ALMS1: variants seen among roughly 807,000 people sequenced by gnomAD.
The protein encoded by ALMS1 is ALMS1 centrosome and basal body associated protein.
A neutral mutation model predicts 352.2 loss-of-function variants in ALMS1; 271 were observed. That is an observed-to-expected ratio of 0.77 (90% CI 0.70 to 0.85). ALMS1 has a LOEUF of 0.85. ALMS1 is among the 40% of genes least tolerant of loss of function. ALMS1 has a pLI of 0.00. For missense variants in ALMS1, 5,445 were observed against 4,870.7 expected (o/e 1.12, Z -3.51); for synonymous variants, 1,865 against 1,761.2 (o/e 1.06, Z -1.48).
At position 73,572,793 on chromosome 2, in the gene ALMS1, C is replaced by T; in HGVS notation, c.10916C>T (p.Pro3639Leu). 6.2e-7 allele frequency: 1 copy of T among 1,614,026 alleles called. No individual in the cohort carries two copies. Among genetic ancestry groups the T allele is most frequent in the Non-Finnish European group, 8.5e-7 (1 of 1,179,996 alleles). ...CGTTTGGCTAAAATTCTTCAGAATCCAATCACACATTCTCTCCAGGTCTCA... is the reference window on the plus strand; with the variant it reads ...CGTTTGGCTAAAATTCTTCAGAATCTAATCACACATTCTCTCCAGGTCTCA... ...LDRLAKILQNPITHSLQVSES... is the reference protein window; with the variant it reads ...LDRLAKILQNLITHSLQVSES... The change falls in exon 16 of 23, where the codon CCA (proline) becomes CTA (leucine). Residue 3639 changes from proline (P) to leucine (L), a missense_variant. By Grantham distance (98) the Pro-to-Leu change is moderately conservative. Coordinates refer to ENST00000613296, the MANE Select transcript of ALMS1 (RefSeq NM_001378454.1).
chr2:73,540,842 C>T (rs1284940071), intron 12 of ALMS1, among the ~76,000 whole-genome samples: 2 of 152,230 alleles, frequency 1.3e-5, no homozygotes, highest in South Asian at 2.1e-4. Context: ...AATATGTGTG[C>T]ACCCAATACA....
At chr2:73,590,202 A>G (rs1419566178) in intron 16 of ALMS1, among the ~76,000 whole-genome samples, 2 of 152,204 alleles carry the variant, frequency 1.3e-5, no homozygotes, top group South Asian at 4.1e-4. Flanking sequence ...AGAATTGACA[A>G]AAGCACAGAG....
chr2:73,549,884 A>G (rs1469804115), intron 12 of ALMS1, among the ~76,000 whole-genome samples: 1 of 152,074 alleles, frequency 6.6e-6, no homozygotes, highest in African/African-American at 2.4e-5. Flanking sequence ...TTTTAAGACC[A>G]AGTCTCACTC....
At chr2:73,502,410 T>G (rs1021671388) in intron 10 of ALMS1, among the ~76,000 whole-genome samples, 3 of 152,160 alleles carry the variant, frequency 2.0e-5, no homozygotes, top group Non-Finnish European at 2.9e-5. Context: ...TTTCTTTTTC[T>G]TGCTTAATGC....
chr2:73,465,019 C>T (rs560241767), intron 9 of ALMS1, among the ~76,000 whole-genome samples: 2 of 152,242 alleles, frequency 1.3e-5, no homozygotes, highest in African/African-American at 4.8e-5. Context: ...GGCCATACTG[C>T]CCAAGGTAAT....
chr2:73,392,259 GATGTGT>G (rs1334626100), intron 1 of ALMS1, among the ~76,000 whole-genome samples: 4 of 78,696 alleles, frequency 5.1e-5, no homozygotes, highest in Non-Finnish European at 9.5e-5. Context: ...GGTTTACTTT[GATGTGT>G]GTGTGTGTGT....
chr2:73,477,489 T>C (rs1453965518), intron 9 of ALMS1, among the ~76,000 whole-genome samples: 3 of 151,742 alleles, frequency 2.0e-5, no homozygotes, highest in Non-Finnish European at 2.9e-5. Context: ...TGCTTGTCAA[T>C]TACTGAAAAA....
intron 13 of ALMS1, among the ~76,000 whole-genome samples, chr2:73,554,846 C>T (rs1313400230): frequency 6.6e-6 from 1 of 152,080 alleles, no homozygotes; most frequent in Admixed American, 6.6e-5. Context: ...GCACGTTTTC[C>T]CCCATATTTT....
At chr2:73,541,766 A>G (rs981757126) in intron 12 of ALMS1, among the ~76,000 whole-genome samples, 2 of 152,268 alleles carry the variant, frequency 1.3e-5, no homozygotes, top group Admixed American at 6.5e-5. Context: ...TAGAAAATCT[A>G]GAAGAAATGG....
intron 12 of ALMS1, among the ~76,000 whole-genome samples, chr2:73,536,485 T>C (rs1674031123): frequency 6.6e-6 from 1 of 152,080 alleles, no homozygotes; most frequent in Non-Finnish European, 1.5e-5. Context: ...CTTGAGATTG[T>C]TTTTTCATGT....
chr2:73,548,856 C>G (rs575360557), intron 12 of ALMS1, among the ~76,000 whole-genome samples: 35 of 152,102 alleles, frequency 2.3e-4, no homozygotes, highest in Non-Finnish European at 3.8e-4. Context: ...CCAGTTCCGA[C>G]TCCTTAAGGA....
chr2:73,568,855 C>T (rs1230849642), intron 15 of ALMS1, among the ~76,000 whole-genome samples: 3 of 151,936 alleles, frequency 2.0e-5, no homozygotes, highest in African/African-American at 7.2e-5. Flanking sequence ...ATTCCATTAT[C>T]AGAAGTAAAT....
chr2:73,608,506 A>C lies in ALMS1; in HGVS notation c.12394A>C (p.Lys4132Gln), dbSNP rs1250966282. Residue 4132 changes from lysine to glutamine, a missense_variant, in exon 22 of 23, where the codon AAG becomes CAG. Transcript: ENST00000613296. Reference sequence around the variant, plus strand: ...TGAGCAGCTTCCAGAAGTACAGAAAAAGAGAGAAGAAGAGAAGAGAAAATC... The same window carrying C: ...TGAGCAGCTTCCAGAAGTACAGAAACAGAGAGAAGAAGAGAAGAGAAAATC... Reference protein sequence around the residue: ...IYEQLPEVQKKREEEKRKSEY... With the variant: ...IYEQLPEVQKQREEEKRKSEY... The C allele has an allele frequency of 6.2e-7, 1 of 1,613,918 alleles. No homozygotes were observed. The highest frequency in any genetic ancestry group is 1.3e-5 in the African/African-American group (1 of 74,920).
chr2:73,513,374 A>G (rs1416860585), intron 10 of ALMS1, among the ~76,000 whole-genome samples: 2 of 152,090 alleles, frequency 1.3e-5, no homozygotes, highest in Non-Finnish European at 2.9e-5. Context: ...TTTCTTCCTC[A>G]TGCTGCATAG....
At position 73,572,549 on chromosome 2, in the gene ALMS1, G is replaced by A; in HGVS notation, c.10672G>A (p.Glu3558Lys). The stretch of plus-strand genomic sequence containing the variant: ...CATCAATGTGAATTTGGGAAACAAA[G>A]AAGTGATGGATACTACTAAAAGTCA... ...LSINVNLGNK[E>K]VMDTTKSQVR... is the part of the protein sequence containing the mutation. The change falls in exon 16 of 23, where the codon GAA becomes AAA. Residue 3558 changes from glutamate (E) to lysine (K), a missense_variant. Coordinates refer to ENST00000613296, the MANE Select transcript of ALMS1 (RefSeq NM_001378454.1). The A allele has an allele frequency of 6.2e-7, 1 of 1,613,772 alleles. No individual in the cohort carries two copies. Among genetic ancestry groups the A allele is most frequent in the Non-Finnish European group, 8.5e-7 (1 of 1,179,964 alleles).
chr2:73,510,378 A>T (rs1558675449), intron 10 of ALMS1, among the ~76,000 whole-genome samples: 1 of 152,030 alleles, frequency 6.6e-6, no homozygotes, highest in African/African-American at 2.4e-5. Flanking sequence ...GCTGTTGGTG[A>T]ACTTCAGATG....
intron 21 of ALMS1, among the ~76,000 whole-genome samples, chr2:73,606,770 G>C (rs933995048): frequency 1.3e-5 from 2 of 152,096 alleles, no homozygotes; most frequent in Admixed American, 1.3e-4. Flanking sequence ...GTTAGAGCCT[G>C]GTGTTTGGCC....
chr2:73,418,647 A>G (rs1671226223), intron 2 of ALMS1, among the ~76,000 whole-genome samples: 1 of 152,216 alleles, frequency 6.6e-6, no homozygotes, highest in Non-Finnish European at 1.5e-5. Context: ...TACCCCAGAA[A>G]GTCTGTTCCT....
chr2:73,530,183 T>A (rs1253415820), intron 11 of ALMS1, among the ~76,000 whole-genome samples: 1 of 152,088 alleles, frequency 6.6e-6, no homozygotes, highest in Admixed American at 6.5e-5. Flanking sequence ...AAGTCCAAAG[T>A]CTCATGTGAG....
Sources: allele counts gnomAD v4.1 joint callset (sites outside exome capture counted in the v4.1 genomes callset), GRCh38; gene constraint gnomAD v4.1.1; transcripts MANE v1.5; gene names NCBI Gene and HGNC (gene_info 2026-07-23, HGNC 2026-07-21).